DPP10: variants seen among roughly 807,000 people sequenced by gnomAD.
The protein encoded by DPP10 is inactive dipeptidyl peptidase 10.
In DPP10, 33 loss-of-function variants were observed where a neutral mutation model predicts 120.9. The ratio of observed to expected loss-of-function variants is 0.27; its 90% CI spans 0.21 to 0.37. The LOEUF is 0.37. DPP10 is among the 10% of genes least tolerant of loss of function. DPP10 has a pLI of 1.00. For synonymous variants in DPP10, 337 were observed against 326.1 expected (o/e 1.03, Z -0.36); for missense variants, 816 against 942.8 (o/e 0.87, Z 1.76).
At chr2:114,790,220 A>G (rs1460087872) in intron 1 of DPP10, among the ~76,000 whole-genome samples, 2 of 152,216 alleles carry the variant, frequency 1.3e-5, no homozygotes, top group South Asian at 2.1e-4. Flanking sequence ...CATTAAAGCC[A>G]TGGTGTGGAA....
intron 1 of DPP10, among the ~76,000 whole-genome samples, chr2:114,655,908 A>G (rs1696933541): frequency 6.6e-6 from 1 of 152,128 alleles, no homozygotes; most frequent in Non-Finnish European, 1.5e-5. Context: ...AATTCTGTCA[A>G]AGAGAGAAGG....
intron 1 of DPP10, among the ~76,000 whole-genome samples, chr2:114,719,576 G>C (rs1001666949): frequency 2.0e-4 from 31 of 152,218 alleles, no homozygotes; most frequent in African/African-American, 7.2e-4. Flanking sequence ...ACATGGCCTG[G>C]TTCACAAGAA....
intron 4 of DPP10, among the ~76,000 whole-genome samples, chr2:115,512,854 A>T (rs963954397): frequency 6.6e-6 from 1 of 152,012 alleles, no homozygotes; most frequent in South Asian, 2.1e-4. Context: ...CCTCATAAGT[A>T]TGTGTGTATT....
chr2:114,678,069 G>T (rs1698785123), intron 1 of DPP10, among the ~76,000 whole-genome samples: 1 of 152,112 alleles, frequency 6.6e-6, no homozygotes, highest in Non-Finnish European at 1.5e-5. Flanking sequence ...GCTGCAGTCA[G>T]TAATCATTTT....
intron 4 of DPP10, among the ~76,000 whole-genome samples, chr2:115,519,845 A>G (rs2077701542): frequency 6.6e-6 from 1 of 152,100 alleles, no homozygotes; most frequent in Admixed American, 6.6e-5. Context: ...CAAACCAGGG[A>G]ATTTGGTCAT....
intron 1 of DPP10, among the ~76,000 whole-genome samples, chr2:115,113,810 C>A (rs1559110933): frequency 6.6e-6 from 1 of 152,054 alleles, no homozygotes; most frequent in Non-Finnish European, 1.5e-5. Context: ...ACTTGTGCAA[C>A]CCTTAATATT....
intron 1 of DPP10, among the ~76,000 whole-genome samples, chr2:115,110,909 G>A (rs2049182724): frequency 6.6e-6 from 1 of 151,756 alleles, no homozygotes; most frequent in Admixed American, 6.6e-5. Context: ...TTTTAAATTT[G>A]TAAAGTTTAC....
At chr2:114,871,653 T>C (rs990027784) in intron 1 of DPP10, among the ~76,000 whole-genome samples, 8 of 152,154 alleles carry the variant, frequency 5.3e-5, no homozygotes, top group African/African-American at 1.9e-4. Flanking sequence ...AACTTGTGTT[T>C]TAGATTCGAG....
At chr2:115,436,196 A>G (rs2071476323) in intron 3 of DPP10, among the ~76,000 whole-genome samples, 1 of 151,854 alleles carries the variant, frequency 6.6e-6, no homozygotes. Flanking sequence ...AATCTTTGTG[A>G]TCTTGATTAA....
chr2:114,585,650 A>T (rs1467776993), intron 1 of DPP10, among the ~76,000 whole-genome samples: 7 of 152,208 alleles, frequency 4.6e-5, no homozygotes, highest in Non-Finnish European at 8.8e-5. Context: ...CACCCAGATC[A>T]AGGAAGCATT....
At chr2:115,013,738 C>G (rs1558991855) in intron 1 of DPP10, among the ~76,000 whole-genome samples, 1 of 141,254 alleles carries the variant, frequency 7.1e-6, no homozygotes, top group Admixed American at 7.1e-5. Context: ...AAAGATCAAA[C>G]AAAGGCTAAG....
chr2:114,710,427 A>G (rs1700951139), intron 1 of DPP10, among the ~76,000 whole-genome samples: 1 of 152,166 alleles, frequency 6.6e-6, no homozygotes, highest in Non-Finnish European at 1.5e-5. Context: ...ACTGTGTGCT[A>G]AGTACTGGCT....
chr2:114,638,168 G>A (rs1695438060), intron 1 of DPP10, among the ~76,000 whole-genome samples: 1 of 151,578 alleles, frequency 6.6e-6, no homozygotes, highest in African/African-American at 2.4e-5. Context: ...GCAGTGTTTT[G>A]TAGTTCTCCT....
intron 1 of DPP10, among the ~76,000 whole-genome samples, chr2:115,071,746 T>C (rs1327605512): frequency 6.6e-6 from 1 of 152,020 alleles, no homozygotes; most frequent in East Asian, 1.9e-4. Flanking sequence ...GGTGAGGGCG[T>C]GGCTGAGGCC....
intron 1 of DPP10, among the ~76,000 whole-genome samples, chr2:114,892,538 CA>C (rs1485313769): frequency 6.6e-6 from 1 of 152,190 alleles, no homozygotes; most frequent in Non-Finnish European, 1.5e-5. Flanking sequence ...ATCTACAGAG[CA>C]GGTGAAAGAA....
intron 21 of DPP10, among the ~76,000 whole-genome samples, chr2:115,827,428 ATATATATATATATATATATG>A (rs1203062420): frequency 7.1e-6 from 1 of 141,548 alleles, no homozygotes; most frequent in Non-Finnish European, 1.5e-5. Flanking sequence ...ATATATATAT[ATATATATATATATATATATG>A]CTCTACAGTG....
intron 1 of DPP10, among the ~76,000 whole-genome samples, chr2:114,819,230 A>C (rs1232994661): frequency 1.3e-5 from 2 of 151,272 alleles, no homozygotes; most frequent in African/African-American, 4.9e-5. Context: ...TAGACGTTTC[A>C]AGGAAAAAGG....
chr2:115,835,036 A>G (rs1388749346), intron 21 of DPP10, among the ~76,000 whole-genome samples: 2 of 151,612 alleles, frequency 1.3e-5, no homozygotes, highest in East Asian at 1.9e-4. Context: ...CAGTGAGCCC[A>G]GGGGGCGGAG....
At chr2:115,560,896 T>C (rs1397335631) in intron 5 of DPP10, among the ~76,000 whole-genome samples, 2 of 152,120 alleles carry the variant, frequency 1.3e-5, no homozygotes, top group Non-Finnish European at 2.9e-5. Flanking sequence ...ACAACATGGG[T>C]GCCTCTATTT....
Sources: allele counts gnomAD v4.1 joint callset (sites outside exome capture counted in the v4.1 genomes callset), GRCh38; gene constraint gnomAD v4.1.1; transcripts MANE v1.5; gene names NCBI Gene and HGNC (gene_info 2026-07-23, HGNC 2026-07-21).